Variants in LINGO2 observed in about 807,000 individuals in gnomAD.
The protein encoded by LINGO2 is leucine-rich repeat and immunoglobulin-like domain-containing nogo receptor-interacting protein 2.
In LINGO2, 14 loss-of-function variants were observed where a neutral mutation model predicts 30.6. The observed-to-expected ratio is 0.46, with a 90% confidence interval of 0.30 to 0.72. The LOEUF (loss-of-function observed/expected upper bound fraction) is 0.72, where lower values mean the gene tolerates loss of function less well. Ranked by LOEUF, LINGO2 falls within the 30% of genes least tolerant of loss-of-function variation. The pLI is 0.07. For synonymous variants in LINGO2, 317 were observed against 288.5 expected (o/e 1.10, Z -1.00); for missense variants, 729 against 751.7 (o/e 0.97, Z 0.35).
chr9:28,655,240 T>C (rs1828285413), intron 1 of LINGO2, among the ~76,000 whole-genome samples: 1 of 151,992 alleles, frequency 6.6e-6, no homozygotes, highest in Admixed American at 6.6e-5. Context: ...TGCTTCCCCT[T>C]CCTCCATGGT....
the LINGO2 span, among the ~76,000 whole-genome samples, chr9:28,930,140 T>C: frequency 6.6e-6 from 1 of 152,124 alleles, no homozygotes. The surrounding 1 kb of genome is among the most constrained non-coding windows in gnomAD (Gnocchi z 4.2). Flanking sequence ...ACAAACACAA[T>C]TTGCATTCCT....
chr9:28,718,554 T>C, the LINGO2 span, among the ~76,000 whole-genome samples: 1 of 152,054 alleles, frequency 6.6e-6, no homozygotes, highest in Admixed American at 6.6e-5. Context: ...CATAGCTTTA[T>C]CTCTCTGAAA....
Position 28,370,410 on chromosome 9 carries a change from T to C in LINGO2, c.-246+2426A>G, listed in dbSNP as rs539697310. On this transcript the variant is annotated intron_variant, in intron 3 of 5. Transcript: ENST00000379992. ...TTCTTTGGTTTCTGGTTTCCTTCAG[T>C]GATTTTTTTTTCTAGATATTCTACA... Among the ~76,000 whole-genome samples the C allele has an allele frequency of 1.6e-4, 24 of 152,270 alleles. No homozygotes were observed. In the South Asian group the frequency reaches 4.4e-3, roughly 28 times the overall value.
the LINGO2 span, among the ~76,000 whole-genome samples, chr9:29,055,805 A>G: frequency 6.6e-6 from 1 of 151,888 alleles, no homozygotes; most frequent in Non-Finnish European, 1.5e-5. Context: ...ATGAGTGAGA[A>G]CATGCGATGT....
At chr9:28,551,125 T>A (rs1822257797) in intron 1 of LINGO2, among the ~76,000 whole-genome samples, 1 of 151,796 alleles carries the variant, frequency 6.6e-6, no homozygotes. Context: ...CTTCCAAATA[T>A]AAAACAATAA....
chr9:28,832,812 T>C, the LINGO2 span, among the ~76,000 whole-genome samples: 1 of 152,168 alleles, frequency 6.6e-6, no homozygotes, highest in Non-Finnish European at 1.5e-5. Context: ...AGGCACTTCC[T>C]GAGTCAACCT....
intron 5 of LINGO2, among the ~76,000 whole-genome samples, chr9:28,012,172 C>A (rs1488641862): frequency 6.6e-6 from 1 of 151,950 alleles, no homozygotes; most frequent in Non-Finnish European, 1.5e-5. Context: ...TCTTTTTGCC[C>A]ACCACAGGGT....
At chr9:29,197,901 T>C in the LINGO2 span, among the ~76,000 whole-genome samples, 1 of 152,090 alleles carries the variant, frequency 6.6e-6, no homozygotes, top group South Asian at 2.1e-4. Flanking sequence ...TCTTCAGTAA[T>C]TTCCATTTAG....
At chr9:28,428,083 T>C (rs1293426935) in intron 2 of LINGO2, among the ~76,000 whole-genome samples, 2 of 152,136 alleles carry the variant, frequency 1.3e-5, no homozygotes, top group African/African-American at 2.4e-5. Flanking sequence ...TTCCCCAGGA[T>C]TTTTTAACAT....
At chr9:28,450,575 T>C (rs1346632459) in intron 2 of LINGO2, among the ~76,000 whole-genome samples, 2 of 152,014 alleles carry the variant, frequency 1.3e-5, no homozygotes, top group African/African-American at 4.8e-5. Flanking sequence ...CAAATAAAAA[T>C]GGTACTTAAA....
chr9:29,175,215 T>C, the LINGO2 span, among the ~76,000 whole-genome samples: 7,269 of 152,162 alleles, frequency 0.048, 557 homozygotes, highest in African/African-American at 0.17. Context: ...GCCAAGATCA[T>C]GCCACTGCAC....
chr9:28,512,860 GAGGCT>G (rs1820467338), intron 1 of LINGO2, among the ~76,000 whole-genome samples: 2 of 151,352 alleles, frequency 1.3e-5, no homozygotes, highest in Admixed American at 1.3e-4. Context: ...TGTAGGCTGA[GAGGCT>G]AGTCCAGTGT....
chr9:28,355,717 C>G (rs532090128), intron 3 of LINGO2, among the ~76,000 whole-genome samples: 1 of 152,178 alleles, frequency 6.6e-6, no homozygotes, highest in South Asian at 2.1e-4. Context: ...GATCGAAACC[C>G]TAGGCTAAGA....
intron 4 of LINGO2, among the ~76,000 whole-genome samples, chr9:28,202,667 A>T (rs1158170400): frequency 6.6e-6 from 1 of 152,136 alleles, no homozygotes; most frequent in African/African-American, 2.4e-5. Flanking sequence ...CCCTGGCTCA[A>T]ATCATGTGAC....
chr9:27,966,206 A>G (rs545348651), intron 5 of LINGO2, among the ~76,000 whole-genome samples: 1 of 152,248 alleles, frequency 6.6e-6, no homozygotes, highest in East Asian at 1.9e-4. Context: ...GAGGCAATGG[A>G]TTAATCTATT....
chr9:28,569,876 A>G (rs1823586454), intron 1 of LINGO2, among the ~76,000 whole-genome samples: 1 of 152,020 alleles, frequency 6.6e-6, no homozygotes, highest in Admixed American at 6.6e-5. Flanking sequence ...ATATGCATGT[A>G]TTTAATAATC....
At chr9:28,309,114 C>T (rs1435510544) in intron 3 of LINGO2, among the ~76,000 whole-genome samples, 6 of 152,042 alleles carry the variant, frequency 3.9e-5, no homozygotes, top group East Asian at 1.9e-4. Context: ...ATCATGCTGC[C>T]ATAAAGACAC....
chr9:28,333,878 A>C (rs1825504428), intron 3 of LINGO2, among the ~76,000 whole-genome samples: 1 of 152,174 alleles, frequency 6.6e-6, no homozygotes, highest in Admixed American at 6.5e-5. Flanking sequence ...TGAAAAGCGC[A>C]AAGGAAATGA....
intron 4 of LINGO2, among the ~76,000 whole-genome samples, chr9:28,044,770 G>A (rs116083252): frequency 0.05 from 2,351 of 46,660 alleles, 44 homozygotes; most frequent in African/African-American, 0.098. Context: ...TGGGAAGCAT[G>A]TGTCTTGGCT....
Sources: gnomAD v4.1 joint callset for allele counts (sites outside exome capture counted in the v4.1 genomes callset) on GRCh38, gnomAD v4.1.1 for gene constraint, Gnocchi (gnomAD v3.1) non-coding constraint, MANE v1.5 for transcripts, NCBI Gene and HGNC (gene_info 2026-07-23, HGNC 2026-07-21) for gene names.